RNF217: variants seen among roughly 807,000 people sequenced by gnomAD.
RNF217 encodes E3 ubiquitin-protein ligase RNF217.
A neutral mutation model predicts 57.8 loss-of-function variants in RNF217; 31 were observed. The observed-to-expected ratio is 0.54, with a 90% CI of 0.40 to 0.72. The LOEUF (loss-of-function observed/expected upper bound fraction) is 0.72, where lower values mean the gene tolerates loss of function less well. Among genes scored for constraint, RNF217 ranks in the 30% least tolerant of loss-of-function variants. The pLI, the probability that RNF217 is intolerant of heterozygous loss-of-function variation, is 0.00. For synonymous variants in RNF217, 313 were observed against 294.0 expected (o/e 1.06, Z -0.66); for missense variants, 696 against 708.3 (o/e 0.98, Z 0.20).
intron 1 of RNF217, among the ~76,000 whole-genome samples, chr6:124,976,033 G>A (rs1012181598): frequency 1.3e-5 from 2 of 152,030 alleles, no homozygotes; most frequent in Non-Finnish European, 2.9e-5. Flanking sequence ...TATTCCATGT[G>A]TCTTCAAGTG....
chr6:125,034,464 A>G (rs1218869360), intron 1 of RNF217, among the ~76,000 whole-genome samples: 1 of 152,134 alleles, frequency 6.6e-6, no homozygotes, highest in South Asian at 2.1e-4. Flanking sequence ...TCCTTTCCCC[A>G]TTGCTTGTTT....
At position 125,084,170 on chromosome 6, in the gene RNF217, A is replaced by C. The variant is rs145972510; in HGVS notation, c.*1233A>C. ...CTAGTTTTGAAGGATTTTTTCTTAC[A>C]TTTAACTGCTCAAACATAATATTTT... is the stretch of plus-strand genomic sequence containing the variant. On this transcript the variant is annotated 3_prime_UTR_variant, in exon 6 of 6. Coordinates refer to ENST00000521654, the MANE Select transcript of RNF217 (RefSeq NM_001286398.3). 9.8e-4 allele frequency: 149 copies of C among 152,064 alleles called. No homozygotes were observed. The highest frequency in any genetic ancestry group is 3.5e-3 in the African/African-American group (146 of 41,528). The allele number at this position is 152,064 out of a possible 1,614,324, so 9.4% of individuals were successfully genotyped here.
At chr6:124,982,150 G>C (rs1784199568) in intron 1 of RNF217, among the ~76,000 whole-genome samples, 1 of 151,794 alleles carries the variant, frequency 6.6e-6, no homozygotes, top group African/African-American at 2.4e-5. Context: ...AGGAATAAAA[G>C]GGAAAGAAGG....
At chr6:125,043,201 A>G (rs776228231) in intron 1 of RNF217, among the ~76,000 whole-genome samples, 75 of 152,126 alleles carry the variant, frequency 4.9e-4, no homozygotes, top group Non-Finnish European at 9.3e-4. Context: ...GTTCAGATGC[A>G]TGTGCATTTG....
rs1788956394 is a variant in RNF217 at position 125,091,681 on chromosome 6, C to T, written c.*8744C>T. Reference sequence around the variant, plus strand: ...TATAGCTCCAATTAGGACAAAATTACTTTACAAAAAGCATTAAAAATAAAA... The same window carrying T: ...TATAGCTCCAATTAGGACAAAATTATTTTACAAAAAGCATTAAAAATAAAA... On this transcript the variant is annotated 3_prime_UTR_variant, in exon 6 of 6. Coordinates refer to ENST00000521654, the MANE Select transcript of RNF217 (RefSeq NM_001286398.3). 1.3e-5 allele frequency: 2 copies of T among 152,062 alleles called. No individual in the cohort carries two copies. Among genetic ancestry groups the T allele is most frequent in the Non-Finnish European group, 2.9e-5 (2 of 67,990 alleles). The allele number at this position is 152,062 out of a possible 1,614,324, so 9.4% of individuals were successfully genotyped here.
At chr6:125,046,930 G>T (rs1370594546) in intron 2 of RNF217, among the ~76,000 whole-genome samples, 4 of 151,936 alleles carry the variant, frequency 2.6e-5, no homozygotes, top group African/African-American at 9.7e-5. Flanking sequence ...TCTATAAAAA[G>T]CATTATTTTT....
intron 2 of RNF217, 128 bp downstream of exon 2, chr6:125,045,572 A>T (rs1787066396): frequency 1.5e-6 from 1 of 652,648 alleles, no homozygotes; most frequent in South Asian, 2.0e-5. Flanking sequence ...TATATTGGCC[A>T]TCATTCTGAA....
intron 1 of RNF217, among the ~76,000 whole-genome samples, chr6:124,970,002 G>A (rs751461158): frequency 1.3e-5 from 2 of 152,150 alleles, no homozygotes; most frequent in African/African-American, 2.4e-5. Context: ...AGAAGCATAC[G>A]TGTGAGTTTC....
chr6:125,089,379 T>C lies in RNF217; in HGVS notation c.*6442T>C, dbSNP rs1170101424. ...CAAAAAGGGTTATAGGTATGGTTTA[T>C]GGTCTTTGTTTCAGCAAAACGTCCT... On this transcript the variant is annotated 3_prime_UTR_variant, in exon 6 of 6. Coordinates refer to ENST00000521654, the MANE Select transcript of RNF217 (RefSeq NM_001286398.3). 1 of 152,228 alleles carries C rather than the reference T, an allele frequency of 6.6e-6. No homozygotes were observed. Among genetic ancestry groups the C allele is most frequent in the Non-Finnish European group, 1.5e-5 (1 of 68,038 alleles). The allele number at this position is 152,228 out of a possible 1,614,324, so 9.4% of individuals were successfully genotyped here.
chr6:125,048,374 A>C, intron 2 of RNF217: 1 of 768,326 alleles, frequency 1.3e-6, no homozygotes. Context: ...TCAAGTACTC[A>C]CACACAATAC....
At chr6:125,037,665 A>C (rs1315749656) in intron 1 of RNF217, among the ~76,000 whole-genome samples, 2 of 152,134 alleles carry the variant, frequency 1.3e-5, no homozygotes, top group African/African-American at 4.8e-5. Context: ...GTCTGAAATC[A>C]ATCTGCCCTG....
intron 1 of RNF217, among the ~76,000 whole-genome samples, chr6:125,009,765 G>A (rs566614166): frequency 6.6e-5 from 10 of 152,046 alleles, no homozygotes; most frequent in Admixed American, 2.0e-4. Context: ...TTCCATCTCC[G>A]TGCACATTCG....
At chr6:125,077,279 G>GA (rs1486101046) in intron 4 of RNF217, among the ~76,000 whole-genome samples, 5 of 151,988 alleles carry the variant, frequency 3.3e-5, no homozygotes, top group South Asian at 2.1e-4. Flanking sequence ...GAAGGCAGGG[G>GA]AAAAAATCTA....
chr6:124,986,793 A>G (rs1019298383), intron 1 of RNF217, among the ~76,000 whole-genome samples: 1 of 152,214 alleles, frequency 6.6e-6, no homozygotes, highest in Non-Finnish European at 1.5e-5. Context: ...TATTTTATTG[A>G]GAAAATTGAA....
chr6:125,046,985 G>A (rs1313276636), intron 2 of RNF217, among the ~76,000 whole-genome samples: 1 of 152,096 alleles, frequency 6.6e-6, no homozygotes, highest in Non-Finnish European at 1.5e-5. Context: ...CTACAGTGGT[G>A]TTGAAGGCTA....
intron 1 of RNF217, among the ~76,000 whole-genome samples, chr6:125,027,169 T>C (rs947246321): frequency 2.0e-5 from 3 of 152,074 alleles, no homozygotes; most frequent in Non-Finnish European, 4.4e-5. Flanking sequence ...TCCAATTACA[T>C]TAAGTTATTT....
At chr6:125,013,351 ATGTGTGTGTGTGTGTGTG>A (rs61504994) in intron 1 of RNF217, among the ~76,000 whole-genome samples, 1 of 141,212 alleles carries the variant, frequency 7.1e-6, no homozygotes, top group South Asian at 2.3e-4. Context: ...TGTTTTGTGT[ATGTGTGTGTGTGTGTGTG>A]TGTGTGTGTG....
intron 1 of RNF217, among the ~76,000 whole-genome samples, chr6:125,039,198 G>T (rs1008708956): frequency 6.6e-6 from 1 of 151,942 alleles, no homozygotes; most frequent in Non-Finnish European, 1.5e-5. Flanking sequence ...TTTTATGGCT[G>T]CATAGTATTC....
At chr6:125,005,129 A>C (rs1462224738) in intron 1 of RNF217, among the ~76,000 whole-genome samples, 1 of 152,156 alleles carries the variant, frequency 6.6e-6, no homozygotes, top group Admixed American at 6.5e-5. Context: ...AACACCTCTT[A>C]AAGTCCCACC....
Sources: allele counts gnomAD v4.1 joint callset (sites outside exome capture counted in the v4.1 genomes callset), GRCh38; gene constraint gnomAD v4.1.1; transcripts MANE v1.5; gene names NCBI Gene and HGNC (gene_info 2026-07-23, HGNC 2026-07-21).